Variants in RAVER2 observed in about 807,000 individuals in gnomAD.
RAVER2 encodes ribonucleoprotein, PTB binding 2.
Under a neutral mutation model 78.1 loss-of-function variants are expected in RAVER2, and 46 were observed. The observed-to-expected ratio is 0.59, with a 90% CI of 0.46 to 0.75. The LOEUF (loss-of-function observed/expected upper bound fraction) is 0.75. Among genes scored for constraint, RAVER2 ranks in the 30% least tolerant of loss-of-function variants. The pLI is 0.00. For missense variants in RAVER2, 793 were observed against 837.5 expected (o/e 0.95, Z 0.66); for synonymous variants, 311 against 313.3 (o/e 0.99, Z 0.08).
intron 2 of RAVER2, 134 bp from the exon 3 acceptor site, chr1:64,777,489 G>A: frequency 3.0e-6 from 2 of 677,134 alleles, no homozygotes; most frequent in Non-Finnish European, 4.9e-6. Flanking sequence ...GCATATAGTA[G>A]GGGTATTAAC....
At chr1:64,771,463 T>C (rs72675417) in intron 2 of RAVER2, among the ~76,000 whole-genome samples, 7,598 of 152,120 alleles carry the variant, frequency 0.05, 300 homozygotes, top group Admixed American at 0.14. Flanking sequence ...GATGGAAATC[T>C]GGACCTACCC....
At chr1:64,811,822 CT>C (rs1343768910) in intron 9 of RAVER2, among the ~76,000 whole-genome samples, 1 of 152,202 alleles carries the variant, frequency 6.6e-6, no homozygotes, top group East Asian at 1.9e-4. Context: ...GTTGGCACCC[CT>C]AACCCCCATG....
intron 6 of RAVER2, among the ~76,000 whole-genome samples, chr1:64,803,720 A>T (rs776744271): frequency 3.3e-5 from 5 of 152,204 alleles, no homozygotes; most frequent in Non-Finnish European, 5.9e-5. Flanking sequence ...GATACATTAT[A>T]GAGTTTTTAT....
At chr1:64,762,794 A>T (rs952333082) in intron 1 of RAVER2, among the ~76,000 whole-genome samples, 8 of 152,182 alleles carry the variant, frequency 5.3e-5, no homozygotes, top group Non-Finnish European at 1.0e-4. Flanking sequence ...GAAAAGATAG[A>T]TCAGTGTCTT....
In RAVER2 at chr1:64,777,762, T is replaced by C. The variant is rs752300375; in HGVS notation, c.456T>C (p.Ser152=). 1.9e-6 allele frequency: 3 copies of C among 1,613,978 alleles called. No homozygotes were observed. The African/African-American group carries it at 4.0e-5, about 22-fold the overall frequency. The change falls in exon 3 of 12, where the codon TCT becomes TCC. Residue 152 remains serine (S), a synonymous_variant. Coordinates refer to ENST00000294428, the Ensembl canonical transcript of RAVER2. ...TGTGTATTACCAACGTGCCCATTTCTTTTACATCAGAAGAGTTTGAAGAAC... is the reference window on the plus strand; with the variant it reads ...TGTGTATTACCAACGTGCCCATTTCCTTTACATCAGAAGAGTTTGAAGAAC...
At chr1:64,749,529 A>G (rs192743282) in intron 1 of RAVER2, among the ~76,000 whole-genome samples, 75 of 152,290 alleles carry the variant, frequency 4.9e-4, no homozygotes, top group Middle Eastern at 3.4e-3. Flanking sequence ...ATTGGATTCT[A>G]TTCCACATTT....
At chr1:64,809,538 C>T (rs980555897) in intron 9 of RAVER2, among the ~76,000 whole-genome samples, 2 of 141,122 alleles carry the variant, frequency 1.4e-5, no homozygotes, top group Non-Finnish European at 3.1e-5. Flanking sequence ...GATTTGGACC[C>T]CAACTCCAAC....
intron 9 of RAVER2, among the ~76,000 whole-genome samples, chr1:64,809,305 A>T (rs1462668400): frequency 1.3e-5 from 2 of 152,126 alleles, no homozygotes; most frequent in Admixed American, 1.3e-4. Flanking sequence ...AATAGAAATG[A>T]TCCCTCTTTC....
At chr1:64,786,786 C>T (rs748718881) in intron 4 of RAVER2, among the ~76,000 whole-genome samples, 3 of 151,624 alleles carry the variant, frequency 2.0e-5, no homozygotes, top group African/African-American at 4.8e-5. Context: ...CAGCGAGACT[C>T]TGTCTCAAGA....
chr1:64,778,073 A>G, exon 3 of RAVER2: 3 of 1,609,812 alleles, frequency 1.9e-6, no homozygotes, highest in Non-Finnish European at 2.5e-6. Flanking sequence ...TCCAGTGTCC[A>G]TAAACCTGTG....
At chr1:64,803,935 T>C (rs1418770318) in intron 6 of RAVER2, among the ~76,000 whole-genome samples, 1 of 152,132 alleles carries the variant, frequency 6.6e-6, no homozygotes, top group Non-Finnish European at 1.5e-5. Context: ...GTATTGATAA[T>C]ATTCCCTGTG....
At chr1:64,832,883 A>C (rs952576369) in exon 12 of RAVER2, 1 of 152,392 alleles carries the variant, frequency 6.6e-6, no homozygotes, top group Admixed American at 6.6e-5. Flanking sequence ...CTATAGTACA[A>C]ACAAACAAAC....
intron 2 of RAVER2, among the ~76,000 whole-genome samples, chr1:64,775,695 A>G (rs1460521500): frequency 6.6e-6 from 1 of 152,172 alleles, no homozygotes; most frequent in African/African-American, 2.4e-5. Flanking sequence ...TTGGACAGTT[A>G]TGAAGCAAAT....
At chr1:64,753,199 G>T (rs542183509) in intron 1 of RAVER2, among the ~76,000 whole-genome samples, 1 of 152,196 alleles carries the variant, frequency 6.6e-6, no homozygotes, top group South Asian at 2.1e-4. Flanking sequence ...GACCACAGAT[G>T]CATATAACCA....
At chr1:64,763,220 C>T (rs887917713) in intron 1 of RAVER2, among the ~76,000 whole-genome samples, 10 of 152,042 alleles carry the variant, frequency 6.6e-5, no homozygotes. Flanking sequence ...TGGTGTGAAC[C>T]AGGGAGGTGG....
chr1:64,748,791 T>G (rs1651614095), intron 1 of RAVER2, among the ~76,000 whole-genome samples: 1 of 152,156 alleles, frequency 6.6e-6, no homozygotes, highest in Non-Finnish European at 1.5e-5. Context: ...TTCTTAGGCT[T>G]TTTGTGTGTT....
At chr1:64,788,645 A>T (rs1194864370) in intron 4 of RAVER2, among the ~76,000 whole-genome samples, 1 of 151,948 alleles carries the variant, frequency 6.6e-6, no homozygotes, top group Non-Finnish European at 1.5e-5. Flanking sequence ...ACAAAAAATT[A>T]GCCAGGCGTT....
chr1:64,796,695 T>C (rs1337800268), intron 5 of RAVER2, among the ~76,000 whole-genome samples: 1 of 152,136 alleles, frequency 6.6e-6, no homozygotes, highest in Non-Finnish European at 1.5e-5. Context: ...TTATTGATTT[T>C]TCCAAAGAGC....
At chr1:64,814,523 TTA>T (rs1653706721) in intron 10 of RAVER2, among the ~76,000 whole-genome samples, 179 bp from the exon 11 acceptor site, 1 of 152,068 alleles carries the variant, frequency 6.6e-6, no homozygotes, top group African/African-American at 2.4e-5. Flanking sequence ...AATTATTTAG[TTA>T]TATATTGGCA....
Sources: gnomAD v4.1 joint callset for allele counts (sites outside exome capture counted in the v4.1 genomes callset) on GRCh38, gnomAD v4.1.1 for gene constraint, MANE v1.5 for transcripts, NCBI Gene and HGNC (gene_info 2026-07-23, HGNC 2026-07-21) for gene names.